Variants in CFDP1 observed in about 807,000 individuals in gnomAD.
The protein encoded by CFDP1 is chromatin remodeling protein CFDP1.
A neutral mutation model predicts 40.1 loss-of-function variants in CFDP1; 31 were observed. The observed-to-expected ratio is 0.77, with a 90% CI of 0.58 to 1.04. The LOEUF (loss-of-function observed/expected upper bound fraction) is 1.04, where lower values mean the gene tolerates loss of function less well. CFDP1 is among the 50% of genes least tolerant of loss of function. The pLI is 0.00. For synonymous variants in CFDP1, 167 were observed against 120.0 expected (o/e 1.39, Z -2.56); for missense variants, 423 against 343.4 (o/e 1.23, Z -1.83).
At chr16:75,411,978 G>T in intron 3 of CFDP1, 26 bp from the exon 4 acceptor site, 1 of 1,573,286 alleles carries the variant, frequency 6.4e-7, no homozygotes, top group Non-Finnish European at 8.6e-7. Context: ...GAAATGTAAT[G>T]TTTCACCAAA....
chr16:75,354,508 T>C (rs1374374331), intron 5 of CFDP1, among the ~76,000 whole-genome samples: 1 of 152,146 alleles, frequency 6.6e-6, no homozygotes, highest in African/African-American at 2.4e-5. Context: ...ATCCAAGACA[T>C]ATCTCCAAGA....
chr16:75,321,454 C>T lies in CFDP1; in HGVS notation c.651-16272G>A, dbSNP rs188705928. On this transcript the variant is annotated intron_variant, in intron 5 of 6. Transcript: ENST00000283882. ...TTACTCTTCATTCCCCTCACCAGCT[C>T]TTGGCAACTACTAATCTACTTTCTG... is the stretch of plus-strand genomic sequence containing the variant. Among the ~76,000 whole-genome samples, 29 of 152,334 alleles carry T rather than the reference C, an allele frequency of 1.9e-4. No homozygotes were observed. The East Asian group carries it at 5.2e-3, about 27-fold the overall frequency.
At chr16:75,388,918 GCC>G (rs77852986) in intron 5 of CFDP1, among the ~76,000 whole-genome samples, 172 of 114,512 alleles carry the variant, frequency 1.5e-3, no homozygotes, top group East Asian at 3.0e-3. Context: ...CAACATTAAG[GCC>G]TTTTTTTTTT....
intron 4 of CFDP1, among the ~76,000 whole-genome samples, chr16:75,404,513 GC>G (rs2079082244): frequency 6.6e-6 from 1 of 151,962 alleles, no homozygotes; most frequent in South Asian, 2.1e-4. Context: ...GAGCCACCGC[GC>G]CCGGCCGCAA....
intron 5 of CFDP1, among the ~76,000 whole-genome samples, chr16:75,361,847 C>T (rs1238992817): frequency 6.6e-6 from 1 of 152,074 alleles, no homozygotes; most frequent in Non-Finnish European, 1.5e-5. Flanking sequence ...CTTTGGGTCC[C>T]AGGTTTCCTT....
At chr16:75,424,319 G>A (rs1253154302) in intron 1 of CFDP1, among the ~76,000 whole-genome samples, 2 of 152,170 alleles carry the variant, frequency 1.3e-5, no homozygotes, top group Non-Finnish European at 2.9e-5. Flanking sequence ...CACGTACAGT[G>A]TTAGGTGACT....
In CFDP1 at chr16:75,305,192, G is replaced by A. The variant is rs957952622; in HGVS notation, c.651-10C>T. 2 of 1,611,832 alleles carry A rather than the reference G, an allele frequency of 1.2e-6. No homozygotes were observed. The highest frequency in any genetic ancestry group is 1.7e-6 in the Non-Finnish European group (2 of 1,179,240). On this transcript the variant is annotated splice_polypyrimidine_tract_variant and intron_variant, in intron 5 of 6. Coordinates refer to ENST00000283882, the MANE Select transcript of CFDP1 (RefSeq NM_006324.3). ...ACTTGATCTTTTTAACCTAAGGAAA[G>A]AAAATATGAAAGATGTAGCAGGTAA...
intron 5 of CFDP1, among the ~76,000 whole-genome samples, chr16:75,325,743 C>T (rs2078396670): frequency 6.6e-6 from 1 of 152,232 alleles, no homozygotes; most frequent in African/African-American, 2.4e-5. Context: ...CAATGTCATA[C>T]ATTATAAATC....
intron 6 of CFDP1, among the ~76,000 whole-genome samples, chr16:75,296,189 A>G (rs2078180851): frequency 6.6e-6 from 1 of 152,110 alleles, no homozygotes; most frequent in Non-Finnish European, 1.5e-5. Flanking sequence ...TGTCTGGGAG[A>G]TCAGGTGGAG....
At chr16:75,371,092 G>A (rs1167116353) in intron 5 of CFDP1, among the ~76,000 whole-genome samples, 2 of 152,164 alleles carry the variant, frequency 1.3e-5, no homozygotes, top group Non-Finnish European at 2.9e-5. Context: ...CTTCACTGTA[G>A]TGTTCCGCAG....
intron 5 of CFDP1, among the ~76,000 whole-genome samples, chr16:75,389,762 T>C (rs1314026723): frequency 1.3e-5 from 2 of 152,242 alleles, no homozygotes; most frequent in Admixed American, 6.5e-5. Flanking sequence ...AAAGACTTTC[T>C]ATACTCTGCA....
chr16:75,412,803 T>C, intron 2 of CFDP1, 49 bp from the exon 3 acceptor site: 1 of 1,444,546 alleles, frequency 6.9e-7, no homozygotes, highest in East Asian at 2.3e-5. Flanking sequence ...CAAAACGATT[T>C]CAGTTATCCC....
At chr16:75,294,493 C>T (rs925463178) in intron 6 of CFDP1, among the ~76,000 whole-genome samples, 2 of 152,000 alleles carry the variant, frequency 1.3e-5, no homozygotes, top group African/African-American at 4.8e-5. Context: ...AGGCCTCCTG[C>T]ATACATACAT....
intron 5 of CFDP1, among the ~76,000 whole-genome samples, chr16:75,309,547 G>A (rs927532902): frequency 6.6e-6 from 1 of 152,042 alleles, no homozygotes; most frequent in Non-Finnish European, 1.5e-5. Context: ...CCAACCGGGC[G>A]CTGTGGCTCA....
intron 5 of CFDP1, among the ~76,000 whole-genome samples, chr16:75,309,813 C>G (rs976148346): frequency 3.2e-5 from 3 of 94,706 alleles, no homozygotes; most frequent in African/African-American, 8.6e-5. Context: ...GAGTGAGACT[C>G]CATCTCAAAA....
At chr16:75,333,041 C>A (rs141684013) in intron 5 of CFDP1, among the ~76,000 whole-genome samples, 2,335 of 151,688 alleles carry the variant, frequency 0.015, 56 homozygotes, top group African/African-American at 0.052. Context: ...CTCCTAACCT[C>A]AGGTGATCTG....
chr16:75,362,524 T>G (rs1020228768), intron 5 of CFDP1, among the ~76,000 whole-genome samples: 21 of 152,218 alleles, frequency 1.4e-4, no homozygotes, highest in Non-Finnish European at 4.4e-5. Flanking sequence ...GCTATGCTGA[T>G]TTTTGGTTTG....
At chr16:75,333,067 C>T (rs1049454262) in intron 5 of CFDP1, among the ~76,000 whole-genome samples, 2 of 151,094 alleles carry the variant, frequency 1.3e-5, no homozygotes, top group African/African-American at 4.9e-5. Context: ...TTCGGCCTCC[C>T]AAAGTGCTGG....
intron 2 of CFDP1, among the ~76,000 whole-genome samples, chr16:75,413,627 T>G (rs1238258994): frequency 1.3e-5 from 2 of 152,116 alleles, no homozygotes; most frequent in South Asian, 2.1e-4. Flanking sequence ...TATTGCTTCT[T>G]AGACTATTTT....
Sources: gnomAD v4.1 joint callset for allele counts (sites outside exome capture counted in the v4.1 genomes callset) on GRCh38, gnomAD v4.1.1 for gene constraint, MANE v1.5 for transcripts, NCBI Gene and HGNC (gene_info 2026-07-23, HGNC 2026-07-21) for gene names.